TLL1: variants seen among roughly 807,000 people sequenced by gnomAD.
The protein encoded by TLL1 is tolloid like 1.
In TLL1, 49 loss-of-function variants were observed where a neutral mutation model predicts 128.2. That is an observed-to-expected ratio of 0.38 (90% CI 0.30 to 0.48). The LOEUF is 0.48. Among genes scored for constraint, TLL1 ranks in the 20% least tolerant of loss-of-function variants. The pLI, the probability that TLL1 is intolerant of heterozygous loss-of-function variation, is 0.96. For synonymous variants in TLL1, 454 were observed against 418.8 expected, an observed-to-expected ratio of 1.08 and a Z score of -1.03; for missense variants, 1,123 against 1,242.0, an observed-to-expected ratio of 0.90 and a Z score of 1.44.
chr4:166,034,710 A>G lies in TLL1; in HGVS notation c.1159-4629A>G, dbSNP rs115021169. Among the ~76,000 whole-genome samples the G allele has an allele frequency of 5.6e-3, 858 of 152,282 alleles. 8 individuals carry two copies. The highest frequency in any genetic ancestry group is 0.02 in the African/African-American group (818 of 41,548). On this transcript the variant is annotated intron_variant, in intron 9 of 20. Transcript: ENST00000061240. ...AGAATATCACCTATAGGATTTGACA[A>G]TTAACTAGATGTAGGGGTGTAGTGG...
At chr4:166,030,697 TGG>T in intron 9 of TLL1, 1 of 1,124,320 alleles carries the variant, frequency 8.9e-7, no homozygotes, top group Non-Finnish European at 1.1e-6. Flanking sequence ...CTTGTACATG[TGG>T]ATATCCAGTT....
chr4:166,053,984 T>C (rs1011972514), intron 12 of TLL1, among the ~76,000 whole-genome samples: 4 of 152,160 alleles, frequency 2.6e-5, no homozygotes, highest in African/African-American at 9.7e-5. Context: ...TTTTGTTTTT[T>C]TTTGTTGGTT....
At chr4:165,981,151 T>G (rs988641207) in intron 1 of TLL1, among the ~76,000 whole-genome samples, 20 of 151,012 alleles carry the variant, frequency 1.3e-4, no homozygotes, top group Admixed American at 7.2e-4. Context: ...CTCTATAGAG[T>G]TTTTTTCCCC....
chr4:166,098,785 T>G (rs1356440337), intron 19 of TLL1, among the ~76,000 whole-genome samples: 15 of 152,134 alleles, frequency 9.9e-5, no homozygotes. Flanking sequence ...TACTTCTTAC[T>G]TCTTTGCATT....
intron 1 of TLL1, among the ~76,000 whole-genome samples, chr4:165,943,377 G>C (rs1002445518): frequency 1.1e-4 from 16 of 151,978 alleles, no homozygotes; most frequent in African/African-American, 3.9e-4. Context: ...TAAACCTTCT[G>C]AGAGAGCCTT....
At chr4:166,075,836 A>G (rs189974814) in intron 17 of TLL1, among the ~76,000 whole-genome samples, 1 of 152,306 alleles carries the variant, frequency 6.6e-6, no homozygotes, top group East Asian at 1.9e-4. Context: ...TTGGAATAAT[A>G]GAGAATATCC....
intron 1 of TLL1, among the ~76,000 whole-genome samples, chr4:165,941,536 T>C (rs2110923613): frequency 6.6e-6 from 1 of 152,252 alleles, no homozygotes; most frequent in South Asian, 2.1e-4. Context: ...ACTAATATAG[T>C]TTGTAATTCA....
chr4:165,978,275 G>GT (rs1393988847), intron 1 of TLL1, among the ~76,000 whole-genome samples: 9 of 151,634 alleles, frequency 5.9e-5, no homozygotes, highest in East Asian at 1.9e-4. Flanking sequence ...TTGTTTCCAG[G>GT]TTTTTTTTAT....
intron 12 of TLL1, among the ~76,000 whole-genome samples, chr4:166,054,477 C>T (rs903770047): frequency 6.6e-6 from 1 of 151,980 alleles, no homozygotes; most frequent in Non-Finnish European, 1.5e-5. Flanking sequence ...AGGTTAGTTA[C>T]ATATGTATAC....
At chr4:165,912,379 T>C (rs1313225813) in intron 1 of TLL1, among the ~76,000 whole-genome samples, 1 of 152,204 alleles carries the variant, frequency 6.6e-6, no homozygotes, top group East Asian at 1.9e-4. Context: ...CTTTGTTGCT[T>C]CCTACTTTTC....
At chr4:166,051,496 T>A (rs1025837668) in intron 12 of TLL1, among the ~76,000 whole-genome samples, 3 of 152,158 alleles carry the variant, frequency 2.0e-5, no homozygotes, top group African/African-American at 7.2e-5. Context: ...ATTCCATATA[T>A]TAATTGATGA....
chr4:165,918,197 T>C (rs1471476544), intron 1 of TLL1, among the ~76,000 whole-genome samples: 1 of 152,190 alleles, frequency 6.6e-6, no homozygotes, highest in Non-Finnish European at 1.5e-5. Context: ...TTGTGTAATT[T>C]TTTTTGGTCC....
intron 1 of TLL1, among the ~76,000 whole-genome samples, chr4:165,913,096 A>G (rs1732614089): frequency 6.6e-6 from 1 of 152,192 alleles, no homozygotes; most frequent in Non-Finnish European, 1.5e-5. Flanking sequence ...CCCAATGGAT[A>G]CTTTTCTTAT....
At chr4:165,976,796 C>T (rs1042796717) in intron 1 of TLL1, among the ~76,000 whole-genome samples, 1 of 152,192 alleles carries the variant, frequency 6.6e-6, no homozygotes, top group African/African-American at 2.4e-5. Context: ...AGTTTGTTAT[C>T]CATGTAGATC....
chr4:165,910,849 G>T (rs898841679), intron 1 of TLL1, among the ~76,000 whole-genome samples: 5 of 152,144 alleles, frequency 3.3e-5, no homozygotes, highest in African/African-American at 1.2e-4. Context: ...TGATTATATA[G>T]CTGCCAAGTG....
chr4:165,931,067 T>C (rs1733489874), intron 1 of TLL1, among the ~76,000 whole-genome samples: 2 of 152,224 alleles, frequency 1.3e-5, no homozygotes, highest in Non-Finnish European at 2.9e-5. Context: ...CTCTCTTTCA[T>C]AGATTATGTG....
At chr4:165,908,033 G>A (rs1411771576) in intron 1 of TLL1, among the ~76,000 whole-genome samples, 1 of 152,180 alleles carries the variant, frequency 6.6e-6, no homozygotes, top group Non-Finnish European at 1.5e-5. Context: ...GCTGGGTTTT[G>A]AGTAGACAGG....
rs192769429 is a variant in TLL1 at position 166,050,225 on chromosome 4, C to G, written c.1525-4851C>G. ...ATTTTTTTCCTCCTTCCCCTAATTC[C>G]TTATGGCAACCTCCATTCTTTCTGT... On this transcript the variant is annotated intron_variant, in intron 12 of 20. Transcript: ENST00000061240. 1.0e-3 allele frequency among the ~76,000 whole-genome samples: 153 copies of G among 151,306 alleles called. 1 individual carries two copies. The highest frequency in any genetic ancestry group is 3.5e-3 in the African/African-American group (145 of 41,518).
intron 18 of TLL1, 32 bp downstream of exon 18, chr4:166,078,062 A>C: frequency 6.2e-7 from 1 of 1,612,054 alleles, no homozygotes; most frequent in Non-Finnish European, 8.5e-7. Flanking sequence ...CTTTCCATTA[A>C]GCTGACTGCC....
Sources: gnomAD v4.1 joint callset for allele counts (sites outside exome capture counted in the v4.1 genomes callset) on GRCh38, gnomAD v4.1.1 for gene constraint, MANE v1.5 for transcripts, NCBI Gene and HGNC (gene_info 2026-07-23, HGNC 2026-07-21) for gene names.